The following USP6NL variants were observed in gnomAD, a reference collection of about 807,000 sequenced individuals.
The protein encoded by USP6NL is USP6 N-terminal like, also known as USP6 N-terminal-like protein.
A neutral mutation model predicts 61.9 loss-of-function variants in USP6NL; 26 were observed. The observed-to-expected ratio is 0.42, with a 90% CI of 0.31 to 0.58. The LOEUF (loss-of-function observed/expected upper bound fraction) is 0.58, where lower values mean the gene tolerates loss of function less well. Among genes scored for constraint, USP6NL ranks in the 20% least tolerant of loss-of-function variants. USP6NL has a pLI of 0.16. For missense variants in USP6NL, 1,114 were observed against 1,034.3 expected (o/e 1.08, Z -1.06); for synonymous variants, 432 against 390.1 (o/e 1.11, Z -1.27).
rs958676330 is a variant in USP6NL at position 11,575,743 on chromosome 10, G to C, written c.4+21888C>G. 3.9e-5 allele frequency among the ~76,000 whole-genome samples: 6 copies of C among 152,136 alleles called. No individual in the cohort carries two copies. Among genetic ancestry groups the C allele is most frequent in the Non-Finnish European group, 8.8e-5 (6 of 68,030 alleles). Reference sequence around the variant, plus strand: ...TTTTCATCACACATTGCATCAGTAAGAATATCTGATCACATACTCTGATGT... The same window carrying C: ...TTTTCATCACACATTGCATCAGTAACAATATCTGATCACATACTCTGATGT... On this transcript the variant is annotated intron_variant, in intron 2 of 14. Transcript: ENST00000609104. This position sits in a 1 kb window ranked among gnomAD's most constrained non-coding sequence, Gnocchi z 4.2.
intron 4 of USP6NL, among the ~76,000 whole-genome samples, chr10:11,524,284 G>T (rs1835336245): frequency 6.6e-6 from 1 of 152,034 alleles, no homozygotes; most frequent in African/African-American, 2.4e-5. Flanking sequence ...ATGTCATTAG[G>T]TATAATAACA....
chr10:11,541,244 T>C (rs1463447967), intron 2 of USP6NL, among the ~76,000 whole-genome samples: 9 of 116,932 alleles, frequency 7.7e-5, no homozygotes, highest in East Asian at 2.6e-4. Context: ...TATATATATA[T>C]ATATATATAT....
At chr10:11,534,360 C>A (rs1361421007) in intron 2 of USP6NL, among the ~76,000 whole-genome samples, 1 of 152,196 alleles carries the variant, frequency 6.6e-6, no homozygotes, top group Non-Finnish European at 1.5e-5. Context: ...CAGAATAATT[C>A]TTTTACACAA....
At chr10:11,545,831 C>T (rs1193035926) in intron 2 of USP6NL, among the ~76,000 whole-genome samples, 2 of 148,174 alleles carry the variant, frequency 1.3e-5, no homozygotes, top group African/African-American at 4.9e-5. Flanking sequence ...GGTATCTTCT[C>T]CTGTGAACTT....
At chr10:11,506,874 C>CTTAT (rs1834466331) in intron 6 of USP6NL, among the ~76,000 whole-genome samples, 1 of 152,084 alleles carries the variant, frequency 6.6e-6, no homozygotes, top group African/African-American at 2.4e-5. Flanking sequence ...AGAAAACATA[C>CTTAT]TTCTCCTTGA....
At chr10:11,488,209 T>C (rs769319874) in intron 10 of USP6NL, among the ~76,000 whole-genome samples, 2 of 152,060 alleles carry the variant, frequency 1.3e-5, no homozygotes, top group Non-Finnish European at 2.9e-5. Flanking sequence ...TCCAGGAGAC[T>C]GAGACCAGCC....
At chr10:11,588,745 A>T (rs1268935775) in intron 2 of USP6NL, among the ~76,000 whole-genome samples, 1 of 151,756 alleles carries the variant, frequency 6.6e-6, no homozygotes, top group East Asian at 1.9e-4. Context: ...CAACTTTTAT[A>T]TCACATTGTC....
intron 5 of USP6NL, among the ~76,000 whole-genome samples, chr10:11,517,828 G>T (rs942589660): frequency 6.6e-6 from 1 of 152,030 alleles, no homozygotes; most frequent in South Asian, 2.1e-4. Flanking sequence ...AAACATACAT[G>T]AACTGATAAT....
rs1833194680 is a variant in USP6NL, at chr10:11,481,443, A to C, written c.1078+327T>G. Among the ~76,000 whole-genome samples, 1 of 152,228 alleles carries C rather than the reference A, an allele frequency of 6.6e-6. No individual in the cohort carries two copies. The highest frequency in any genetic ancestry group is 2.1e-4 in the South Asian group (1 of 4,830). ...TATACGGTTTCACAAAATGAGATGA[A>C]GAAAGCAAAAAAAAGCTTATTGTTA... On this transcript the variant is annotated intron_variant, in intron 14 of 14. Coordinates refer to ENST00000609104, the MANE Select transcript of USP6NL (RefSeq NM_014688.5). This position sits in a 1 kb window ranked among gnomAD's most constrained non-coding sequence, Gnocchi z 4.4.
intron 2 of USP6NL, among the ~76,000 whole-genome samples, chr10:11,584,802 G>C (rs1351115391): frequency 6.6e-6 from 1 of 152,096 alleles, no homozygotes; most frequent in Non-Finnish European, 1.5e-5. Context: ...GCCAGGCGTG[G>C]TGGAGCACAC....
intron 2 of USP6NL, among the ~76,000 whole-genome samples, chr10:11,546,657 C>A (rs149610443): frequency 2.2e-3 from 331 of 152,246 alleles, no homozygotes; most frequent in African/African-American, 7.6e-3. Context: ...ACCTCATGAT[C>A]CGCCCAGCCA....
rs1169157825 is a variant in USP6NL, at chr10:11,537,989, TA to T, written c.5-10423del. 6.6e-6 allele frequency among the ~76,000 whole-genome samples: 1 copy of T among 152,242 alleles called. No individual in the cohort carries two copies. Among genetic ancestry groups the T allele is most frequent in the Non-Finnish European group, 1.5e-5 (1 of 68,042 alleles). On this transcript the variant is annotated intron_variant, in intron 2 of 14. Coordinates refer to ENST00000609104, the MANE Select transcript of USP6NL (RefSeq NM_014688.5). This position sits in a 1 kb window ranked among gnomAD's most constrained non-coding sequence, Gnocchi z 5.1. Reference sequence around the variant, plus strand: ...TTTTGTTTTTGTAAGCACATGTTTTTAAGATCATTGGGAAGAGGACAAATTG... The same window carrying T: ...TTTTGTTTTTGTAAGCACATGTTTTTAGATCATTGGGAAGAGGACAAATTG...
At chr10:11,570,653 T>C (rs1441825783) in intron 2 of USP6NL, among the ~76,000 whole-genome samples, 1 of 152,250 alleles carries the variant, frequency 6.6e-6, no homozygotes, top group East Asian at 1.9e-4. Context: ...CAAATAAACA[T>C]GAGGCTTTTA....
At position 11,462,651 on chromosome 10, in the gene USP6NL, G is replaced by A. The variant is rs1242163857; in HGVS notation, c.2277C>T (p.Gly759=). Residue 759 remains glycine (G), a synonymous_variant, in exon 15 of 15, where the codon GGC becomes GGT. Transcript: ENST00000609104. ...GQSWTRDASR[G]NLPKYSAFQL... ...GAAAGGCTGAGTATTTTGGTAAATT[G>A]CCACGGCTAGCATCTCGGGTCCATG... The A allele has an allele frequency of 1.2e-6, 2 of 1,613,978 alleles. No individual in the cohort carries two copies. Among genetic ancestry groups the A allele is most frequent in the Non-Finnish European group, 1.7e-6 (2 of 1,179,894 alleles).
At chr10:11,504,786 A>C (rs979597559) in intron 6 of USP6NL, among the ~76,000 whole-genome samples, 5 of 152,236 alleles carry the variant, frequency 3.3e-5, no homozygotes, top group African/African-American at 1.2e-4. Flanking sequence ...TTAAACAGAG[A>C]ATCCTTTATC....
At chr10:11,494,222 T>C (rs1358756904) in intron 7 of USP6NL, among the ~76,000 whole-genome samples, 3 of 152,214 alleles carry the variant, frequency 2.0e-5, no homozygotes, top group African/African-American at 7.2e-5. Flanking sequence ...TGTTTCTTTA[T>C]GTGCAATCTG....
At chr10:11,576,907 T>C (rs1837566669) in intron 2 of USP6NL, among the ~76,000 whole-genome samples, 1 of 152,184 alleles carries the variant, frequency 6.6e-6, no homozygotes, top group African/African-American at 2.4e-5. Flanking sequence ...CTGATTGTGA[T>C]TTAATTTGAA....
At position 11,493,019 on chromosome 10, in the gene USP6NL, C is replaced by T. The variant is rs1047703876; in HGVS notation, c.494+100G>A. ...TCTGCAAAAGCTTAAACCTTTAGGA[C>T]CTAAATCGAAATTACAGTCTATAAA... On this transcript the variant is annotated intron_variant, in intron 8 of 14. Transcript: ENST00000609104. The T allele has an allele frequency of 7.9e-6, 8 of 1,013,578 alleles. 1 individual carries two copies. In the Admixed American group the frequency reaches 1.7e-4, roughly 21 times the overall value. 62.8% of individuals were successfully genotyped at this position (1,013,578 alleles called of 1,614,324 possible).
At chr10:11,527,233 G>T (rs1162867856) in intron 3 of USP6NL, among the ~76,000 whole-genome samples, 1 of 152,038 alleles carries the variant, frequency 6.6e-6, no homozygotes, top group East Asian at 1.9e-4. Context: ...AGAATATCTG[G>T]GACACAAGTG....
Sources: allele counts gnomAD v4.1 joint callset (sites outside exome capture counted in the v4.1 genomes callset), GRCh38; gene constraint gnomAD v4.1.1; non-coding constraint Gnocchi (gnomAD v3.1); transcripts MANE v1.5; gene names NCBI Gene and HGNC (gene_info 2026-07-23, HGNC 2026-07-21).